TLN2: variants seen among roughly 807,000 people sequenced by gnomAD.
The protein encoded by TLN2 is talin 2.
Under a neutral mutation model 294.7 loss-of-function variants are expected in TLN2, and 118 were observed. The ratio of observed to expected loss-of-function variants is 0.40; its 90% CI spans 0.34 to 0.47. The LOEUF (loss-of-function observed/expected upper bound fraction) is 0.47, where lower values mean the gene tolerates loss of function less well. Among genes scored for constraint, TLN2 ranks in the 20% least tolerant of loss-of-function variants. The pLI, the probability that TLN2 is intolerant of heterozygous loss-of-function variation, is 0.84. For missense variants in TLN2, 3,083 were observed against 3,282.2 expected (o/e 0.94, Z 1.48); for synonymous variants, 1,431 against 1,304.5 (o/e 1.10, Z -2.09).
At chr15:62,483,738 G>A (rs944321000) in intron 1 of TLN2, among the ~76,000 whole-genome samples, 8 of 152,296 alleles carry the variant, frequency 5.3e-5, no homozygotes, top group Non-Finnish European at 1.2e-4. Context: ...GGTCTTATTA[G>A]TTGGGACAGT....
chr15:62,693,018 G>GAA, intron 13 of TLN2, 77 bp downstream of exon 13: 2 of 1,258,410 alleles, frequency 1.6e-6, no homozygotes, highest in South Asian at 1.3e-5. Flanking sequence ...TGGCTACCTT[G>GAA]AAAAAAAAAT....
At chr15:62,708,445 T>G (rs2059208061) in intron 20 of TLN2, 57 bp from the exon 21 acceptor site, 22 of 1,573,458 alleles carry the variant, frequency 1.4e-5, no homozygotes, top group South Asian at 1.4e-4. Flanking sequence ...CGGGGGCACA[T>G]GGAGAGGGAC....
intron 46 of TLN2, among the ~76,000 whole-genome samples, chr15:62,795,102 G>A (rs1211674020): frequency 6.6e-6 from 1 of 152,196 alleles, no homozygotes; most frequent in Non-Finnish European, 1.5e-5. Context: ...GCAGGGGGAG[G>A]TGTCCGGGGC....
At chr15:62,442,792 C>G (rs980855132) in intron 1 of TLN2, among the ~76,000 whole-genome samples, 10 of 152,124 alleles carry the variant, frequency 6.6e-5, no homozygotes, top group African/African-American at 2.4e-4. Flanking sequence ...CATTTATTAA[C>G]TTAGGTTCTA....
At chr15:62,535,365 A>T (rs960634833) in intron 1 of TLN2, among the ~76,000 whole-genome samples, 2 of 151,922 alleles carry the variant, frequency 1.3e-5, no homozygotes, top group African/African-American at 4.8e-5. Flanking sequence ...GATCTATGGC[A>T]GTGGTGTGGT....
At chr15:62,483,628 A>G (rs959291257) in intron 1 of TLN2, among the ~76,000 whole-genome samples, 4 of 152,138 alleles carry the variant, frequency 2.6e-5, no homozygotes, top group African/African-American at 9.7e-5. Context: ...CCTGGTGGGT[A>G]TATTCTCTCC....
chr15:62,641,553 G>A (rs978100792), intron 3 of TLN2, among the ~76,000 whole-genome samples: 11 of 152,106 alleles, frequency 7.2e-5, no homozygotes, highest in Admixed American at 6.6e-4. Context: ...TACTCGGGAG[G>A]CAGAGGTTGC....
rs116320849 is a variant in TLN2, at chr15:62,667,481, G to A, written c.789-6346G>A. Among the ~76,000 whole-genome samples the A allele has an allele frequency of 9.5e-3, 1,447 of 152,184 alleles. 24 individuals carry two copies. Among genetic ancestry groups the A allele is most frequent in the African/African-American group, 0.033 (1,358 of 41,514 alleles). On this transcript the variant is annotated intron_variant, in intron 9 of 58. Transcript: ENST00000636159. ...TCCCTCCCCTCTGTTCCTCTACCCT[G>A]TGCTGAGTGGATACTCTGCTGCTTT...
chr15:62,778,553 G>A (rs567771006), intron 43 of TLN2, among the ~76,000 whole-genome samples: 4 of 152,350 alleles, frequency 2.6e-5, no homozygotes, highest in South Asian at 2.1e-4. Context: ...GAAGATGGAC[G>A]TCAGATCCAA....
intron 2 of TLN2, among the ~76,000 whole-genome samples, chr15:62,610,021 T>G (rs1350137156): frequency 6.6e-6 from 1 of 152,248 alleles, no homozygotes; most frequent in East Asian, 1.9e-4. Context: ...TCTGGTATAA[T>G]AAGACCTACC....
intron 48 of TLN2, among the ~76,000 whole-genome samples, chr15:62,798,559 A>C (rs58423709): frequency 0.12 from 18,912 of 152,106 alleles, 2,128 homozygotes; most frequent in African/African-American, 0.3. Flanking sequence ...ACAAAACAAA[A>C]AAAAAAAACC....
intron 46 of TLN2, 105 bp from the exon 47 acceptor site, chr15:62,796,022 A>C (rs1344235464): frequency 1.4e-6 from 2 of 1,424,374 alleles, no homozygotes; most frequent in African/African-American, 2.9e-5. Context: ...GTTAACCTCT[A>C]AGCTACATCA....
intron 1 of TLN2, among the ~76,000 whole-genome samples, chr15:62,508,504 T>C (rs1043199567): frequency 6.6e-6 from 1 of 152,178 alleles, no homozygotes; most frequent in Non-Finnish European, 1.5e-5. Flanking sequence ...CGTGAGCCAC[T>C]GCACCCGGCC....
chr15:62,575,605 A>ACAC (rs1555433517), intron 1 of TLN2, among the ~76,000 whole-genome samples: 1 of 149,990 alleles, frequency 6.7e-6, no homozygotes. Flanking sequence ...TCACTTAAAA[A>ACAC]ACACACACAC....
chr15:62,685,741 A>G (rs2057232945), intron 11 of TLN2, among the ~76,000 whole-genome samples: 1 of 152,234 alleles, frequency 6.6e-6, no homozygotes, highest in South Asian at 2.1e-4. Flanking sequence ...TTGATTTATG[A>G]ACACATCACA....
intron 45 of TLN2, among the ~76,000 whole-genome samples, chr15:62,790,231 T>G (rs2064981573): frequency 1.3e-5 from 2 of 152,234 alleles, no homozygotes; most frequent in African/African-American, 4.8e-5. Flanking sequence ...TGGCTTTTTA[T>G]TGGGTCAAAG....
chr15:62,826,637 C>T (rs1052730335), intron 54 of TLN2, among the ~76,000 whole-genome samples: 2 of 152,142 alleles, frequency 1.3e-5, no homozygotes, highest in Non-Finnish European at 2.9e-5. Flanking sequence ...TGGGGCTTTG[C>T]ATACAGGCTA....
At chr15:62,480,958 A>G (rs2038054866) in intron 1 of TLN2, among the ~76,000 whole-genome samples, 1 of 152,132 alleles carries the variant, frequency 6.6e-6, no homozygotes, top group African/African-American at 2.4e-5. Context: ...AGCTAGCACT[A>G]TTGACAGGGC....
intron 1 of TLN2, among the ~76,000 whole-genome samples, chr15:62,550,131 G>A (rs578172503): frequency 1.3e-5 from 2 of 152,236 alleles, no homozygotes; most frequent in Admixed American, 6.5e-5. Flanking sequence ...AGTGGTCAGA[G>A]TGGTTAAGGA....
Sources: allele counts gnomAD v4.1 joint callset (sites outside exome capture counted in the v4.1 genomes callset), GRCh38; gene constraint gnomAD v4.1.1; transcripts MANE v1.5; gene names NCBI Gene and HGNC (gene_info 2026-07-23, HGNC 2026-07-21).